The following ASCC1 variants were observed in gnomAD, a reference collection of about 807,000 sequenced individuals.
ASCC1 encodes ASC-1 complex subunit P50.
A neutral mutation model predicts 46.6 loss-of-function variants in ASCC1; 35 were observed. The ratio of observed to expected loss-of-function variants is 0.75; its 90% CI spans 0.57 to 0.99. The LOEUF (loss-of-function observed/expected upper bound fraction) is 0.99. Ranked by LOEUF, ASCC1 falls within the 50% of genes least tolerant of loss-of-function variation. ASCC1 has a pLI of 0.00. For missense variants in ASCC1, 376 were observed against 428.7 expected, an observed-to-expected ratio of 0.88 and a Z score of 1.09; for synonymous variants, 143 against 146.6, an observed-to-expected ratio of 0.98 and a Z score of 0.18.
intron 8 of ASCC1, among the ~76,000 whole-genome samples, chr10:72,129,597 T>G (rs939876368): frequency 6.0e-5 from 9 of 150,928 alleles, no homozygotes; most frequent in African/African-American, 2.2e-4. Flanking sequence ...AGGTCAGGAG[T>G]TGGAGACTAA....
intron 6 of ASCC1, among the ~76,000 whole-genome samples, chr10:72,153,440 T>C (rs1377648517): frequency 1.4e-5 from 2 of 146,824 alleles, no homozygotes; most frequent in African/African-American, 5.5e-5. Context: ...TGTTTTGTTT[T>C]GTTTTGAGAC....
intron 5 of ASCC1, among the ~76,000 whole-genome samples, chr10:72,181,641 A>G (rs1018287793): frequency 2.0e-5 from 3 of 151,038 alleles, no homozygotes; most frequent in African/African-American, 4.9e-5. Context: ...TGAAGCAGAG[A>G]AAAAAAAACG....
intron 8 of ASCC1, among the ~76,000 whole-genome samples, chr10:72,129,343 G>A (rs1431612588): frequency 6.6e-6 from 1 of 152,172 alleles, no homozygotes; most frequent in Non-Finnish European, 1.5e-5. Flanking sequence ...ATAAAATGTG[G>A]CATATCCATA....
At chr10:72,172,275 C>A (rs1564692720) in intron 5 of ASCC1, among the ~76,000 whole-genome samples, 4 of 151,642 alleles carry the variant, frequency 2.6e-5, no homozygotes, top group Non-Finnish European at 4.4e-5. Flanking sequence ...ATTAGCCAGG[C>A]CTAGTGGTGC....
intron 5 of ASCC1, among the ~76,000 whole-genome samples, chr10:72,188,276 G>A (rs891296310): frequency 3.3e-5 from 5 of 151,560 alleles, no homozygotes; most frequent in African/African-American, 7.3e-5. Context: ...ACACCACCAC[G>A]CCCAGCTAAT....
intron 9 of ASCC1, among the ~76,000 whole-genome samples, chr10:72,119,176 A>C (rs1843875552): frequency 6.6e-6 from 1 of 152,242 alleles, no homozygotes; most frequent in Non-Finnish European, 1.5e-5. Flanking sequence ...GAACCACCTC[A>C]CCAAAAGTTT....
rs1229893602 is a variant in ASCC1 at position 72,102,888 on chromosome 10, T to A, written c.958-5438A>T. 5.0e-6 allele frequency: 2 copies of A among 403,570 alleles called. No individual in the cohort carries two copies. Among genetic ancestry groups the A allele is most frequent in the East Asian group, 8.0e-5 (1 of 12,512 alleles). 25.0% of individuals were successfully genotyped at this position (403,570 alleles called of 1,614,324 possible). Reference sequence around the variant, plus strand: ...TACTTGGGAGGCTGAGGCAGGAGAATCACTTGAACCCGGGAGGCACAGGTT... The same window carrying A: ...TACTTGGGAGGCTGAGGCAGGAGAAACACTTGAACCCGGGAGGCACAGGTT... On this transcript the variant is annotated intron_variant, in intron 9 of 9. Transcript: ENST00000672957.
intron 4 of ASCC1, 74 bp from the exon 5 acceptor site, chr10:72,197,063 T>C: frequency 6.8e-7 from 1 of 1,473,802 alleles, no homozygotes. Flanking sequence ...CTTGATACTG[T>C]CACCTCTGAG....
chr10:72,183,315 T>A (rs1271173993), intron 5 of ASCC1, among the ~76,000 whole-genome samples: 2 of 152,166 alleles, frequency 1.3e-5, no homozygotes, highest in Non-Finnish European at 1.5e-5. Context: ...AGTACTGGGA[T>A]GACAGGTGTG....
intron 7 of ASCC1, among the ~76,000 whole-genome samples, chr10:72,135,603 G>A (rs754660936): frequency 6.6e-6 from 1 of 152,176 alleles, no homozygotes; most frequent in African/African-American, 2.4e-5. Context: ...CCCATGGAAC[G>A]ACTTCAGTAG....
Position 72,211,866 on chromosome 10 carries a change from C to T in ASCC1, c.113-1035G>A, listed in dbSNP as rs562712673. ...GAAAAAAGTCAGTAAAATAACAATA[C>T]AGCAATAAAAATAATAAAAATTAAA... On this transcript the variant is annotated intron_variant, in intron 2 of 9. Coordinates refer to ENST00000672957, the MANE Select transcript of ASCC1 (RefSeq NM_001198800.3). Among the ~76,000 whole-genome samples the T allele has an allele frequency of 5.1e-4, 77 of 151,766 alleles. 1 individual carries two copies. In the South Asian group the frequency reaches 0.015, roughly 30 times the overall value.
At chr10:72,145,644 T>C (rs1352423809) in intron 7 of ASCC1, among the ~76,000 whole-genome samples, 6 of 152,236 alleles carry the variant, frequency 3.9e-5, no homozygotes, top group African/African-American at 1.2e-4. Context: ...TAAATTGCCA[T>C]AATAGTTTCC....
intron 5 of ASCC1, among the ~76,000 whole-genome samples, chr10:72,175,588 G>A (rs1291378326): frequency 6.6e-6 from 1 of 152,316 alleles, no homozygotes; most frequent in Middle Eastern, 3.4e-3. Flanking sequence ...ACAAGAAAGT[G>A]GAGAGGTTCT....
intron 7 of ASCC1, among the ~76,000 whole-genome samples, chr10:72,143,055 T>C (rs990375053): frequency 6.7e-6 from 1 of 148,498 alleles, no homozygotes; most frequent in African/African-American, 2.5e-5. Flanking sequence ...CAGCTACTCG[T>C]GAGGACAAGG....
chr10:72,128,840 A>C (rs1232256392), intron 8 of ASCC1, among the ~76,000 whole-genome samples: 1 of 152,138 alleles, frequency 6.6e-6, no homozygotes, highest in Non-Finnish European at 1.5e-5. Flanking sequence ...AACAGGAAAG[A>C]AAAAAAATGT....
intron 7 of ASCC1, among the ~76,000 whole-genome samples, chr10:72,135,048 A>C (rs1245120874): frequency 6.6e-6 from 1 of 152,198 alleles, no homozygotes; most frequent in Non-Finnish European, 1.5e-5. Flanking sequence ...GGGGAATCTG[A>C]AGATACAGAG....
chr10:72,135,853 T>C (rs374106947), intron 7 of ASCC1, among the ~76,000 whole-genome samples: 2 of 152,108 alleles, frequency 1.3e-5, no homozygotes, highest in East Asian at 1.9e-4. Context: ...TCCTGAGTAT[T>C]TGAGAGATTG....
intron 5 of ASCC1, among the ~76,000 whole-genome samples, chr10:72,185,451 T>G (rs1381044813): frequency 6.6e-6 from 1 of 152,128 alleles, no homozygotes; most frequent in African/African-American, 2.4e-5. Context: ...GGTACATTCA[T>G]GCAAAGAAAT....
intron 7 of ASCC1, 184 bp from the exon 8 acceptor site, chr10:72,133,365 T>C (rs774177206): frequency 2.3e-4 from 146 of 634,884 alleles, no homozygotes; most frequent in Admixed American, 3.2e-4. Flanking sequence ...GTCTTGTTTG[T>C]CTGCTTAACA....
Sources: allele counts gnomAD v4.1 joint callset (sites outside exome capture counted in the v4.1 genomes callset), GRCh38; gene constraint gnomAD v4.1.1; transcripts MANE v1.5; gene names NCBI Gene and HGNC (gene_info 2026-07-23, HGNC 2026-07-21).